GRM5: variants seen among roughly 807,000 people sequenced by gnomAD.
GRM5 encodes the protein metabotropic glutamate receptor 5.
A neutral mutation model predicts 83.1 loss-of-function variants in GRM5; 19 were observed. The ratio of observed to expected loss-of-function variants is 0.23; its 90% CI spans 0.16 to 0.34. The LOEUF (loss-of-function observed/expected upper bound fraction) is 0.34, where lower values mean the gene tolerates loss of function less well. GRM5 is among the 10% of genes least tolerant of loss of function. The pLI, the probability that GRM5 is intolerant of heterozygous loss-of-function variation, is 1.00. For missense variants in GRM5, 1,160 were observed against 1,588.3 expected, an observed-to-expected ratio of 0.73 and a Z score of 4.58; for synonymous variants, 675 against 633.6, an observed-to-expected ratio of 1.07 and a Z score of -0.98.
intron 2 of GRM5, among the ~76,000 whole-genome samples, chr11:89,041,491 A>G (rs1379333192): frequency 6.6e-6 from 1 of 152,216 alleles, no homozygotes; most frequent in Admixed American, 6.5e-5. Context: ...TATCATTAGA[A>G]ATGAATCTGA....
chr11:89,003,720 T>A (rs1368946218), intron 2 of GRM5, among the ~76,000 whole-genome samples: 1 of 152,144 alleles, frequency 6.6e-6, no homozygotes, highest in Non-Finnish European at 1.5e-5. Flanking sequence ...AATTGATGAA[T>A]AAAATGTAGT....
intron 3 of GRM5, among the ~76,000 whole-genome samples, chr11:88,664,507 C>T (rs1939988667): frequency 6.6e-6 from 1 of 152,006 alleles, no homozygotes; most frequent in African/African-American, 2.4e-5. Flanking sequence ...AATGCAATGG[C>T]ATGATCTTGG....
chr11:89,026,590 T>C (rs1362607506), intron 2 of GRM5, among the ~76,000 whole-genome samples: 1 of 152,160 alleles, frequency 6.6e-6, no homozygotes, highest in African/African-American at 2.4e-5. Context: ...TTGGTTCCTA[T>C]AAAAGACAAT....
intron 9 of GRM5, among the ~76,000 whole-genome samples, chr11:88,519,463 T>C (rs192258578): frequency 4.6e-5 from 7 of 152,216 alleles, no homozygotes; most frequent in Admixed American, 3.3e-4. Context: ...GATTATAGTA[T>C]GTGAATTGCA....
chr11:88,875,947 G>C (rs1392856776), intron 2 of GRM5, among the ~76,000 whole-genome samples: 1 of 152,086 alleles, frequency 6.6e-6, no homozygotes, highest in South Asian at 2.1e-4. Context: ...GCTCTTAAGG[G>C]CCTTGGGGTT....
At chr11:88,676,366 T>C (rs999110771) in intron 3 of GRM5, among the ~76,000 whole-genome samples, 2 of 152,032 alleles carry the variant, frequency 1.3e-5, no homozygotes, top group African/African-American at 4.8e-5. Context: ...TATGCTATCA[T>C]TTGAGATACA....
chr11:89,020,535 TA>T (rs1193347999), intron 2 of GRM5, among the ~76,000 whole-genome samples: 1 of 152,056 alleles, frequency 6.6e-6, no homozygotes, highest in Non-Finnish European at 1.5e-5. Context: ...GTTAGAGGAG[TA>T]AAAACAAGCC....
intron 8 of GRM5, among the ~76,000 whole-genome samples, chr11:88,547,348 A>G (rs147470269): frequency 4.6e-5 from 7 of 152,270 alleles, no homozygotes; most frequent in South Asian, 2.1e-4. Flanking sequence ...TCCAGAATTG[A>G]AAGTGTAATG....
chr11:88,756,514 G>A (rs553904693), intron 3 of GRM5, among the ~76,000 whole-genome samples: 13 of 152,040 alleles, frequency 8.6e-5, no homozygotes, highest in Middle Eastern at 3.4e-3. Context: ...ATATAAAGTC[G>A]AATTAATATG....
chr11:88,882,949 C>G (rs950664690), intron 2 of GRM5, among the ~76,000 whole-genome samples: 1 of 152,132 alleles, frequency 6.6e-6, no homozygotes, highest in Non-Finnish European at 1.5e-5. Context: ...CCTGCCTATG[C>G]TCTCTCTCCT....
intron 2 of GRM5, among the ~76,000 whole-genome samples, chr11:88,968,047 A>C (rs1407026255): frequency 6.6e-6 from 1 of 152,118 alleles, no homozygotes; most frequent in Non-Finnish European, 1.5e-5. Context: ...GGAGCAACAG[A>C]ATTGAGAGAT....
chr11:88,998,501 T>C (rs1006814328), intron 2 of GRM5, among the ~76,000 whole-genome samples: 5 of 152,276 alleles, frequency 3.3e-5, no homozygotes, highest in African/African-American at 1.2e-4. Context: ...AAAGACCAAA[T>C]GCTTTAGTCT....
intron 3 of GRM5, among the ~76,000 whole-genome samples, chr11:88,829,587 A>G (rs1943951009): frequency 6.6e-6 from 1 of 152,206 alleles, no homozygotes; most frequent in African/African-American, 2.4e-5. Flanking sequence ...TAAAATATGT[A>G]TAATTCTAAT....
chr11:88,849,348 A>C (rs943644300), intron 3 of GRM5, among the ~76,000 whole-genome samples: 1 of 152,222 alleles, frequency 6.6e-6, no homozygotes, highest in Non-Finnish European at 1.5e-5. Flanking sequence ...AATCAAGTGA[A>C]TTATCCAGAT....
intron 3 of GRM5, among the ~76,000 whole-genome samples, chr11:88,814,048 T>C (rs1329134136): frequency 1.3e-5 from 2 of 152,194 alleles, no homozygotes; most frequent in Non-Finnish European, 1.5e-5. Context: ...ATTAATACTA[T>C]TGGACTCTGA....
At chr11:88,983,445 C>T (rs570755880) in intron 2 of GRM5, among the ~76,000 whole-genome samples, 25 of 152,182 alleles carry the variant, frequency 1.6e-4, no homozygotes, top group African/African-American at 4.1e-4. Context: ...ATAATGAAGC[C>T]GAAACATTCG....
At chr11:88,725,661 C>T (rs1941661837) in intron 3 of GRM5, among the ~76,000 whole-genome samples, 1 of 152,210 alleles carries the variant, frequency 6.6e-6, no homozygotes, top group East Asian at 1.9e-4. Flanking sequence ...GGTGGGTACC[C>T]CTATGGGATG....
At chr11:88,915,820 G>C (rs1375039513) in intron 2 of GRM5, among the ~76,000 whole-genome samples, 2 of 152,084 alleles carry the variant, frequency 1.3e-5, no homozygotes, top group African/African-American at 2.4e-5. Context: ...TTGATAACTA[G>C]AGGTTTTGTT....
intron 3 of GRM5, among the ~76,000 whole-genome samples, chr11:88,768,292 T>A (rs2135446780): frequency 6.6e-6 from 1 of 152,110 alleles, no homozygotes; most frequent in Middle Eastern, 3.4e-3. Flanking sequence ...TTCATAGCTA[T>A]AACATGGATG....
Sources: gnomAD v4.1 joint callset for allele counts (sites outside exome capture counted in the v4.1 genomes callset) on GRCh38, gnomAD v4.1.1 for gene constraint, MANE v1.5 for transcripts, NCBI Gene and HGNC (gene_info 2026-07-23, HGNC 2026-07-21) for gene names.